ITGA8: variants seen among roughly 807,000 people sequenced by gnomAD.
ITGA8 encodes integrin subunit alpha 8.
Under a neutral mutation model 142.3 loss-of-function variants are expected in ITGA8, and 91 were observed. That is an observed-to-expected ratio of 0.64 (90% CI 0.54 to 0.76). The LOEUF (loss-of-function observed/expected upper bound fraction) is 0.76. Ranked by LOEUF, ITGA8 falls within the 30% of genes least tolerant of loss-of-function variation. The pLI, the probability that ITGA8 is intolerant of heterozygous loss-of-function variation, is 0.00. For missense variants in ITGA8, 1,406 were observed against 1,327.7 expected, an observed-to-expected ratio of 1.06 and a Z score of -0.92; for synonymous variants, 505 against 485.2, an observed-to-expected ratio of 1.04 and a Z score of -0.54.
At chr10:15,686,963 T>C (rs570702676) in intron 3 of ITGA8, among the ~76,000 whole-genome samples, 22 of 152,190 alleles carry the variant, frequency 1.4e-4, no homozygotes, top group African/African-American at 4.3e-4. Flanking sequence ...CAAACAGTTA[T>C]TACAGAGTTA....
chr10:15,606,710 G>T lies in ITGA8; in HGVS notation c.1765-288C>A, dbSNP rs182970101. Among the ~76,000 whole-genome samples the T allele has an allele frequency of 7.9e-5, 12 of 152,200 alleles. No individual in the cohort carries two copies. In the East Asian group the frequency reaches 2.3e-3, roughly 29 times the overall value. On this transcript the variant is annotated intron_variant, in intron 17 of 29. Coordinates refer to ENST00000378076, the MANE Select transcript of ITGA8 (RefSeq NM_003638.3). ...CAACAACTCATGCAGAACTGGTCAA[G>T]TTGCAAAGTAAAAGATTACACGTGT...
intron 13 of ITGA8, among the ~76,000 whole-genome samples, chr10:15,640,836 A>C (rs543305488): frequency 6.6e-6 from 1 of 152,314 alleles, no homozygotes; most frequent in South Asian, 2.1e-4. Context: ...GGCCCAGGAC[A>C]CAGGGAAATT....
chr10:15,672,960 T>G (rs1217148146), intron 6 of ITGA8, among the ~76,000 whole-genome samples: 1 of 152,164 alleles, frequency 6.6e-6, no homozygotes, highest in Non-Finnish European at 1.5e-5. Context: ...ACTACAATAT[T>G]TTATTGGTCT....
At chr10:15,707,406 A>G (rs1835279722) in intron 2 of ITGA8, among the ~76,000 whole-genome samples, 1 of 152,204 alleles carries the variant, frequency 6.6e-6, no homozygotes, top group South Asian at 2.1e-4. Context: ...GGTCACCTGT[A>G]GGAGCTGGAA....
At chr10:15,568,926 C>T (rs74124268) in intron 25 of ITGA8, among the ~76,000 whole-genome samples, 17,756 of 152,110 alleles carry the variant, frequency 0.12, 1,761 homozygotes, top group East Asian at 0.31. Flanking sequence ...ATTCTCAGGG[C>T]ATATTTGGGA....
intron 26 of ITGA8, among the ~76,000 whole-genome samples, chr10:15,557,223 T>C (rs1369620668): frequency 1.3e-5 from 2 of 151,878 alleles, no homozygotes; most frequent in Non-Finnish European, 2.9e-5. Context: ...TCTACAAAAA[T>C]GCAAAAATTA....
intron 27 of ITGA8, among the ~76,000 whole-genome samples, chr10:15,541,165 A>G (rs780432829): frequency 4.6e-5 from 7 of 152,226 alleles, no homozygotes; most frequent in Non-Finnish European, 1.0e-4. Flanking sequence ...GTCCAGTTCA[A>G]TAAAAGGCTG....
At chr10:15,598,425 C>G (rs1277486333) in intron 20 of ITGA8, among the ~76,000 whole-genome samples, 1 of 151,922 alleles carries the variant, frequency 6.6e-6, no homozygotes, top group East Asian at 1.9e-4. Context: ...ATCTTCCATT[C>G]CCTTCTATTT....
At chr10:15,687,857 C>A in intron 3 of ITGA8, 81 bp downstream of exon 3, 1 of 853,828 alleles carries the variant, frequency 1.2e-6, no homozygotes, top group East Asian at 2.4e-5. Context: ...TAGGAAAGAG[C>A]TTTCCTAAAC....
At chr10:15,550,059 C>G (rs878970974) in intron 26 of ITGA8, among the ~76,000 whole-genome samples, 2 of 152,142 alleles carry the variant, frequency 1.3e-5, no homozygotes, top group African/African-American at 4.8e-5. Context: ...TGAGGGATAA[C>G]TGGATCATGG....
intron 2 of ITGA8, among the ~76,000 whole-genome samples, chr10:15,697,067 A>ACACACACACACACACACACACACACAC (rs10683246): frequency 1.3e-5 from 2 of 151,264 alleles, no homozygotes; most frequent in African/African-American, 4.9e-5. Context: ...ACACACACAC[A>ACACACACACACACACACACACACACAC]AGAAATAGTA....
chr10:15,630,311 C>T (rs1833661497), intron 13 of ITGA8, among the ~76,000 whole-genome samples: 1 of 152,038 alleles, frequency 6.6e-6, no homozygotes, highest in Non-Finnish European at 1.5e-5. Context: ...TGGAAGGATG[C>T]TGGTTTATTT....
At position 15,665,773 on chromosome 10, in the gene ITGA8, A is replaced by T. The variant is rs554447022; in HGVS notation, c.848-4851T>A. ...TCCCAGCACCATTTATTAAATAGGG[A>T]ATCCTTTCCCCATTGCTTGTTTTTG... is the stretch of plus-strand genomic sequence containing the variant. On this transcript the variant is annotated intron_variant, in intron 8 of 29. Transcript: ENST00000378076. 2.4e-3 allele frequency among the ~76,000 whole-genome samples: 358 copies of T among 152,330 alleles called. 1 individual carries two copies. The highest frequency in any genetic ancestry group is 8.3e-3 in the African/African-American group (344 of 41,560).
Position 15,672,680 on chromosome 10 carries a change from A to C in ITGA8, c.746T>G (p.Leu249Arg). ...NYSFKDILRK[L>R]AGEKQTEVAP... ...CACTTCCGTCTGCTTTTCTCCTGCC[A>C]GTTTCCTGAGGATATCCTTGAATGA... Residue 249 changes from leucine (L) to arginine (R), a missense_variant, in exon 7 of 30, where the codon CTG (leucine) becomes CGG (arginine). Coordinates refer to ENST00000378076, the MANE Select transcript of ITGA8 (RefSeq NM_003638.3). 1 of 1,613,980 alleles carries C rather than the reference A, an allele frequency of 6.2e-7. No individual in the cohort carries two copies. The highest frequency in any genetic ancestry group is 8.5e-7 in the Non-Finnish European group (1 of 1,179,912).
intron 6 of ITGA8, among the ~76,000 whole-genome samples, chr10:15,674,751 G>C (rs754935883): frequency 1.3e-5 from 2 of 152,006 alleles, no homozygotes; most frequent in Non-Finnish European, 2.9e-5. Context: ...AGACCAGTCT[G>C]ACCAACATTG....
At chr10:15,690,861 C>T (rs1247034542) in intron 2 of ITGA8, among the ~76,000 whole-genome samples, 1 of 152,076 alleles carries the variant, frequency 6.6e-6, no homozygotes, top group Non-Finnish European at 1.5e-5. Context: ...CCCAACCAAT[C>T]CCCTAAAAAG....
intron 13 of ITGA8, among the ~76,000 whole-genome samples, chr10:15,636,899 C>T (rs1271585432): frequency 6.6e-6 from 1 of 152,198 alleles, no homozygotes; most frequent in African/African-American, 2.4e-5. Context: ...AATACCAGCA[C>T]TTTGGAAGGT....
At chr10:15,663,895 T>A (rs1017201813) in intron 8 of ITGA8, among the ~76,000 whole-genome samples, 68 of 152,044 alleles carry the variant, frequency 4.5e-4, no homozygotes, top group African/African-American at 1.5e-3. Flanking sequence ...AATGCCACAT[T>A]AAAAAAAATA....
rs376429193 is a variant in ITGA8 at position 15,658,384 on chromosome 10, T to C, written c.948+615A>G. Among the ~76,000 whole-genome samples, 56 of 152,246 alleles carry C rather than the reference T, an allele frequency of 3.7e-4. 2 individuals carry two copies. In the South Asian group the frequency reaches 0.012, roughly 32 times the overall value. ...ATACGAAACCACTTCCCATTGTTCT[T>C]AGAAAAAAATTCTTAATCCCAAACA... is the stretch of plus-strand genomic sequence containing the variant. On this transcript the variant is annotated intron_variant, in intron 10 of 29. Coordinates refer to ENST00000378076, the MANE Select transcript of ITGA8 (RefSeq NM_003638.3).
Sources: allele counts gnomAD v4.1 joint callset (sites outside exome capture counted in the v4.1 genomes callset), GRCh38; gene constraint gnomAD v4.1.1; transcripts MANE v1.5; gene names NCBI Gene and HGNC (gene_info 2026-07-23, HGNC 2026-07-21).